RNF213: variants seen among roughly 807,000 people sequenced by gnomAD.
RNF213 encodes E3 ubiquitin-protein ligase RNF213.
RNF213 carries 341 observed loss-of-function variants against 514.4 expected under a neutral mutation model. The ratio of observed to expected loss-of-function variants is 0.66; its 90% CI spans 0.61 to 0.73. The LOEUF (loss-of-function observed/expected upper bound fraction) is 0.73, where lower values mean the gene tolerates loss of function less well. Among genes scored for constraint, RNF213 ranks in the 30% least tolerant of loss-of-function variants. RNF213 has a pLI of 0.00. For missense variants in RNF213, 5,767 were observed against 6,615.6 expected, an observed-to-expected ratio of 0.87 and a Z score of 4.45; for synonymous variants, 2,655 against 2,658.2, an observed-to-expected ratio of 1.00 and a Z score of 0.04.
At chr17:80,392,918 G>A (rs2080538129) in intron 67 of RNF213, among the ~76,000 whole-genome samples, 1 of 151,990 alleles carries the variant, frequency 6.6e-6, no homozygotes, top group African/African-American at 2.4e-5. Flanking sequence ...CGAGCATTTT[G>A]GTTCTGCTGA....
At chr17:80,387,032 G>A (rs1033768108) in intron 63 of RNF213, 141 bp downstream of exon 63, 6 of 834,292 alleles carry the variant, frequency 7.2e-6, no homozygotes, top group Non-Finnish European at 1.2e-5. Flanking sequence ...TGCAGCTCCC[G>A]AGGCCACCAC....
rs958451320 is a variant in RNF213, at chr17:80,396,102, T to C, written c.*2604T>C. 3 of 152,132 alleles carry C rather than the reference T, an allele frequency of 2.0e-5. No homozygotes were observed. The highest frequency in any genetic ancestry group is 2.9e-5 in the Non-Finnish European group (2 of 68,024). The allele number at this position is 152,132 out of a possible 1,614,324, so 9.4% of individuals were successfully genotyped here. A position where few individuals can be genotyped will look rare whatever the true frequency, so the allele number is the denominator to read the frequency against. ...CACAACTGATCATTATCTCCTTCTC[T>C]TTGAGACCTGACTGAAAAAATTAGG... is the stretch of plus-strand genomic sequence containing the variant. On this transcript the variant is annotated 3_prime_UTR_variant, in exon 68 of 68. Transcript: ENST00000582970.
At chr17:80,283,832 A>C (rs1292356088) in intron 3 of RNF213, among the ~76,000 whole-genome samples, 1 of 152,204 alleles carries the variant, frequency 6.6e-6, no homozygotes. Flanking sequence ...TGATTATGTC[A>C]TCGAAGCTGC....
In RNF213 at chr17:80,347,469, T is replaced by C; in HGVS notation, c.9134T>C (p.Leu3045Pro). 4 of 1,614,102 alleles carry C rather than the reference T, an allele frequency of 2.5e-6. No individual in the cohort carries two copies. The highest frequency in any genetic ancestry group is 3.4e-6 in the Non-Finnish European group (4 of 1,180,038). Residue 3045 changes from leucine to proline, a missense_variant, in exon 29 of 68, where the codon CTG becomes CCG. Leu to Pro is a moderately conservative substitution (Grantham distance 98). This residue lies in a region of RNF213 where 919 missense variants were observed against 1,121.0 expected (regional missense o/e 0.82). Coordinates refer to ENST00000582970, the MANE Select transcript of RNF213 (RefSeq NM_001256071.3). The surrounding 1 kb of genome is among the most constrained non-coding windows in gnomAD (Gnocchi z 7.2). ...GCTGAGTCCCGCTACTTACTCGTGC[T>C]GACCAAAAACTACGTGGCACTGCAG... ...EDAESRYLLV[L>P]TKNYVALQIL...
chr17:80,379,602 G>A lies in RNF213; in HGVS notation c.13546-18G>A, dbSNP rs1465537412. 4.3e-6 allele frequency: 7 copies of A among 1,611,780 alleles called. No individual in the cohort carries two copies. The East Asian group carries it at 1.3e-4, about 31-fold the overall frequency. On this transcript the variant is annotated intron_variant, in intron 54 of 67. Transcript: ENST00000582970. ...GTACTGCTCCAGAAGTGGTTCTAGT[G>A]CCCTGTCTTCACCCTAGTGTGGCAG...
chr17:80,302,320 T>C (rs12051852), intron 11 of RNF213, among the ~76,000 whole-genome samples: 43,608 of 152,068 alleles, frequency 0.29, 6,650 homozygotes, highest in African/African-American at 0.4. Context: ...GAGATAGATA[T>C]GCTAATTACC....
At position 80,376,981 on chromosome 17, in the gene RNF213, G is replaced by A. The variant is rs1461748693; in HGVS notation, c.13510+18G>A. 6.4e-7 allele frequency: 1 copy of A among 1,572,596 alleles called. No homozygotes were observed. The highest frequency in any genetic ancestry group is 1.7e-5 in the Admixed American group (1 of 59,828). On this transcript the variant is annotated intron_variant, in intron 53 of 67. Coordinates refer to ENST00000582970, the MANE Select transcript of RNF213 (RefSeq NM_001256071.3). ...CTGGTACAGTAAGTGTTGGGGTCTA[G>A]ATGACCCCACACTCCTTTGAGCTTC...
intron 32 of RNF213, chr17:80,352,702 G>A: frequency 1.5e-6 from 1 of 655,382 alleles, no homozygotes; most frequent in Non-Finnish European, 2.8e-6. Flanking sequence ...GCTGGCCATT[G>A]CAGGTCTTAC....
chr17:80,360,572 T>TC (rs1237421245), intron 38 of RNF213, among the ~76,000 whole-genome samples: 1 of 152,168 alleles, frequency 6.6e-6, no homozygotes, highest in Non-Finnish European at 1.5e-5. Context: ...ACTGGGGCAC[T>TC]GGACTCGGAA....
intron 50 of RNF213, among the ~76,000 whole-genome samples, chr17:80,375,434 C>T (rs1436063817): frequency 6.6e-6 from 1 of 151,808 alleles, no homozygotes; most frequent in African/African-American, 2.4e-5. Flanking sequence ...GGTGCGGGGG[C>T]GTCTATCCTA....
At chr17:80,324,927 G>T in intron 17 of RNF213, 103 bp from the exon 18 acceptor site, 1 of 1,145,264 alleles carries the variant, frequency 8.7e-7, no homozygotes, top group Non-Finnish European at 1.2e-6. Flanking sequence ...ACAAGTTACA[G>T]TAGATTTCAG....
chr17:80,364,589 T>C, intron 42 of RNF213, 36 bp downstream of exon 42: 2 of 1,613,746 alleles, frequency 1.2e-6, no homozygotes, highest in Non-Finnish European at 1.7e-6. Flanking sequence ...CATGCACGGA[T>C]CCACCCTTTT....
chr17:80,309,790 C>CTGT (rs566175833), intron 14 of RNF213, among the ~76,000 whole-genome samples: 67 of 152,088 alleles, frequency 4.4e-4, no homozygotes, highest in South Asian at 4.2e-3. Context: ...GGGTCTCACT[C>CTGT]TGTCACCCAG....
At chr17:80,333,881 A>G (rs2077907994) in intron 21 of RNF213, 1 of 562,372 alleles carries the variant, frequency 1.8e-6, no homozygotes, top group East Asian at 3.0e-5. Context: ...TTAGCAGAAT[A>G]TCAGGTTCCC....
intron 49 of RNF213, among the ~76,000 whole-genome samples, chr17:80,373,844 A>T (rs1012506828): frequency 1.3e-5 from 2 of 149,836 alleles, no homozygotes; most frequent in Non-Finnish European, 3.0e-5. Context: ...TACTTCAAAG[A>T]AAAAAAAAAT....
chr17:80,353,580 G>T lies in RNF213; in HGVS notation c.10492G>T (p.Glu3498Ter), dbSNP rs1308588127. The T allele has an allele frequency of 1.2e-6, 2 of 1,605,910 alleles. No homozygotes were observed. The highest frequency in any genetic ancestry group is 2.2e-5 in the South Asian group (2 of 89,976). ...AMETEASTSG[E>*]VAEVAEEAME... ...GGAGACGGAGGCCAGCACATCAGGGGAGGTGGCAGAGGTGGCAGAGGAGGC... is the reference window on the plus strand; with the variant it reads ...GGAGACGGAGGCCAGCACATCAGGGTAGGTGGCAGAGGTGGCAGAGGAGGC... Residue 3498 changes from glutamate (E) to a stop codon, truncating the protein, a stop_gained, in exon 34 of 68, where the codon GAG becomes TAG. Coordinates refer to ENST00000582970, the MANE Select transcript of RNF213 (RefSeq NM_001256071.3). LOFTEE classifies it high-confidence loss of function. The surrounding 1 kb of genome is among the most constrained non-coding windows in gnomAD (Gnocchi z 5.0).
chr17:80,378,371 T>G (rs1267413108), intron 54 of RNF213, among the ~76,000 whole-genome samples: 1 of 152,188 alleles, frequency 6.6e-6, no homozygotes, highest in African/African-American at 2.4e-5. Context: ...CCCAAGCATC[T>G]AGCCTAGAGC....
At chr17:80,355,442 CGGGG>C (rs2078725635) in intron 36 of RNF213, among the ~76,000 whole-genome samples, 1 of 12,554 alleles carries the variant, frequency 8.0e-5, no homozygotes, top group Admixed American at 9.3e-4. Flanking sequence ...GGATGGGAAT[CGGGG>C]CTCACGGAGG....
At chr17:80,269,699 A>G (rs955873987) in intron 2 of RNF213, among the ~76,000 whole-genome samples, 1 of 151,780 alleles carries the variant, frequency 6.6e-6, no homozygotes, top group Non-Finnish European at 1.5e-5. Context: ...CTATGTATCT[A>G]TCTTATGTAT....
Sources: allele counts gnomAD v4.1 joint callset (sites outside exome capture counted in the v4.1 genomes callset), GRCh38; gene constraint gnomAD v4.1.1; regional missense constraint gnomAD v4.1.1; non-coding constraint Gnocchi (gnomAD v3.1); transcripts MANE v1.5; gene names NCBI Gene and HGNC (gene_info 2026-07-23, HGNC 2026-07-21).